Variants in PKHD1L1 observed in about 807,000 individuals in gnomAD.
PKHD1L1 encodes fibrocystin-L.
In PKHD1L1, 434 loss-of-function variants were observed where a neutral mutation model predicts 462.9. The observed-to-expected ratio is 0.94, with a 90% CI of 0.87 to 1.02. The LOEUF (loss-of-function observed/expected upper bound fraction) is 1.02. PKHD1L1 is among the 50% of genes least tolerant of loss of function. The pLI, the probability that PKHD1L1 is intolerant of heterozygous loss-of-function variation, is 0.00. For synonymous variants in PKHD1L1, 1,781 were observed against 1,750.0 expected (o/e 1.02, Z -0.44); for missense variants, 5,202 against 5,096.1 (o/e 1.02, Z -0.63).
chr8:109,453,529 T>G (rs1816656485), intron 43 of PKHD1L1, among the ~76,000 whole-genome samples: 1 of 152,212 alleles, frequency 6.6e-6, no homozygotes, highest in African/African-American at 2.4e-5. Context: ...ATAACAGGCT[T>G]AGCCACCGGA....
rs1375705530 is a variant in PKHD1L1 at position 109,464,516 on chromosome 8, T to C, written c.7684T>C (p.Phe2562Leu). ...GAATGATGATGTGACCCCGGCTGCA[T>C]TTTGGGTCACCAACCCGAACAATAC... ...LLNDDVTPAA[F>L]WVTNPNNTIR... Residue 2562 changes from phenylalanine to leucine, a missense_variant, in exon 49 of 78, where the codon TTT becomes CTT. Around this residue, in one of 3 missense-constraint regions of PKHD1L1, gnomAD observed 4,497 missense variants for 4,336.8 expected, o/e 1.04. Coordinates refer to ENST00000378402, the MANE Select transcript of PKHD1L1 (RefSeq NM_177531.6). 1.2e-6 allele frequency: 2 copies of C among 1,613,774 alleles called. No individual in the cohort carries two copies. Among genetic ancestry groups the C allele is most frequent in the Non-Finnish European group, 1.7e-6 (2 of 1,179,792 alleles).
At chr8:109,492,428 G>A (rs1818880679) in intron 62 of PKHD1L1, among the ~76,000 whole-genome samples, 1 of 151,720 alleles carries the variant, frequency 6.6e-6, no homozygotes, top group Non-Finnish European at 1.5e-5. Context: ...ATTACTATAG[G>A]TGTTTGTTGA....
Position 109,396,015 on chromosome 8 carries a change from GT to G in PKHD1L1, c.812-8del, listed in dbSNP as rs1812953187. On this transcript the variant is annotated splice_polypyrimidine_tract_variant and intron_variant, in intron 10 of 77. Transcript: ENST00000378402. ...TATTTATGATATTTTATTTAATGTG[GT>G]TTTCCCCCAGAGGTCACCATGATTT... 3 of 1,550,202 alleles carry G rather than the reference GT, an allele frequency of 1.9e-6. No homozygotes were observed. Among genetic ancestry groups the G allele is most frequent in the Non-Finnish European group, 2.6e-6 (3 of 1,136,502 alleles).
intron 12 of PKHD1L1, among the ~76,000 whole-genome samples, chr8:109,398,852 CTT>C (rs776115515): frequency 2.0e-4 from 31 of 151,922 alleles, no homozygotes; most frequent in East Asian, 1.4e-3. Flanking sequence ...ATAACTAAAA[CTT>C]GGTATAGTCT....
chr8:109,422,054 C>T lies in PKHD1L1; in HGVS notation c.2697+1364C>T, dbSNP rs191539838. ...ATTGTTTTAAGAACTTTAACTTTGACATAATTGTAGATTCACATGCAGTTG... is the reference window on the plus strand; with the variant it reads ...ATTGTTTTAAGAACTTTAACTTTGATATAATTGTAGATTCACATGCAGTTG... On this transcript the variant is annotated intron_variant, in intron 23 of 77. Coordinates refer to ENST00000378402, the MANE Select transcript of PKHD1L1 (RefSeq NM_177531.6). 1.7e-3 allele frequency among the ~76,000 whole-genome samples: 264 copies of T among 152,314 alleles called. 1 individual carries two copies. Among genetic ancestry groups the T allele is most frequent in the Middle Eastern group, 6.8e-3 (2 of 294 alleles).
chr8:109,490,754 A>C (rs1413839000), intron 60 of PKHD1L1, among the ~76,000 whole-genome samples: 6 of 151,686 alleles, frequency 4.0e-5, no homozygotes, highest in Non-Finnish European at 1.5e-5. Context: ...GTAAGCATAT[A>C]TATTCAATAT....
intron 2 of PKHD1L1, among the ~76,000 whole-genome samples, chr8:109,373,476 T>C (rs1563713983): frequency 7.3e-6 from 1 of 136,788 alleles, no homozygotes; most frequent in Non-Finnish European, 1.6e-5. Flanking sequence ...CAGTGATTTT[T>C]TGAAGGGTTT....
chr8:109,424,486 CAG>C (rs1814634373), intron 23 of PKHD1L1, among the ~76,000 whole-genome samples: 1 of 152,108 alleles, frequency 6.6e-6, no homozygotes, highest in Admixed American at 6.5e-5. Context: ...ACAGTAGTAA[CAG>C]ATAACTATAA....
At chr8:109,367,300 G>A (rs1811280938) in intron 2 of PKHD1L1, among the ~76,000 whole-genome samples, 1 of 152,150 alleles carries the variant, frequency 6.6e-6, no homozygotes, top group Non-Finnish European at 1.5e-5. Flanking sequence ...ATTGCATGCA[G>A]TACTTATTTA....
At chr8:109,370,508 T>A (rs938026731) in intron 2 of PKHD1L1, among the ~76,000 whole-genome samples, 5 of 151,674 alleles carry the variant, frequency 3.3e-5, no homozygotes, top group Non-Finnish European at 4.4e-5. Context: ...TTTATTTTTT[T>A]AATTTTATTA....
Position 109,477,252 on chromosome 8 carries a change from G to GT in PKHD1L1, c.8946dup (p.Gln2983SerfsTer10), listed in dbSNP as rs771651990. 1.1e-4 allele frequency: 181 copies of GT among 1,613,226 alleles called. No individual in the cohort carries two copies. The highest frequency in any genetic ancestry group is 3.3e-4 in the Middle Eastern group (2 of 6,056). ...TCAGGAAGAAATGACCTTCATCAGA[G>GT]TCAGCTCATTTCTGGGAACCTGGAT... On this transcript the variant is annotated frameshift_variant, in exon 53 of 78. Transcript: ENST00000378402. LOFTEE classifies it high-confidence loss of function.
intron 43 of PKHD1L1, 95 bp from the exon 44 acceptor site, chr8:109,454,072 T>C: frequency 2.9e-6 from 2 of 681,220 alleles, no homozygotes; most frequent in Non-Finnish European, 4.8e-6. Context: ...TAATGTATAA[T>C]TTAATAATTA....
chr8:109,419,956 T>C (rs1014883273), intron 22 of PKHD1L1, among the ~76,000 whole-genome samples: 1 of 152,150 alleles, frequency 6.6e-6, no homozygotes, highest in African/African-American at 2.4e-5. Context: ...GTCACTCCTT[T>C]TGAATCTGCT....
rs76002311 is a variant in PKHD1L1 at position 109,367,899 on chromosome 8, C to G, written c.163+3263C>G. The stretch of plus-strand genomic sequence containing the variant: ...GCCTGGGTGATGGAGTGAAACCCTG[C>G]TTTAAAAACAAAATAAAACCTCACA... On this transcript the variant is annotated intron_variant, in intron 2 of 77. Coordinates refer to ENST00000378402, the MANE Select transcript of PKHD1L1 (RefSeq NM_177531.6). 8.5e-5 allele frequency among the ~76,000 whole-genome samples: 13 copies of G among 152,104 alleles called. No homozygotes were observed. The East Asian group carries it at 2.5e-3, about 29-fold the overall frequency.
rs999055721 is a variant in PKHD1L1 at position 109,405,004 on chromosome 8, T to C, written c.1543T>C (p.Leu515=). The part of the protein sequence containing the change: ...TILQEVQVIT[L]ENWETTNAIN... ...CTTAATTGGAAAATAGGTTATAACATTGGAAAACTGGGAAACAACTAATGC... is the reference window on the plus strand; with the variant it reads ...CTTAATTGGAAAATAGGTTATAACACTGGAAAACTGGGAAACAACTAATGC... The change falls in exon 16 of 78, where the codon TTG becomes CTG. Residue 515 remains leucine, a synonymous_variant. Coordinates refer to ENST00000378402, the MANE Select transcript of PKHD1L1 (RefSeq NM_177531.6). 5.3e-6 allele frequency: 8 copies of C among 1,501,566 alleles called. No individual in the cohort carries two copies. The highest frequency in any genetic ancestry group is 7.2e-6 in the Non-Finnish European group (8 of 1,118,436). 93.0% of individuals were successfully genotyped at this position (1,501,566 alleles called of 1,614,324 possible). A position where few individuals can be genotyped will look rare whatever the true frequency, so the allele number is the denominator to read the frequency against.
intron 38 of PKHD1L1, among the ~76,000 whole-genome samples, chr8:109,447,052 G>A (rs1816185243): frequency 6.6e-6 from 1 of 151,996 alleles, no homozygotes; most frequent in Non-Finnish European, 1.5e-5. Context: ...GGTGAACCCC[G>A]TCTCTACTAA....
chr8:109,487,936 G>GGAAGGAAGGAAA (rs1563600629), intron 59 of PKHD1L1, among the ~76,000 whole-genome samples: 1 of 150,350 alleles, frequency 6.7e-6, no homozygotes, highest in South Asian at 2.1e-4. Context: ...AAGGAAGGAA[G>GGAAGGAAGGAAA]GAAGGAAAGA....
intron 48 of PKHD1L1, 143 bp downstream of exon 48, chr8:109,462,051 C>A (rs867445495): frequency 1.1e-5 from 11 of 1,021,728 alleles, no homozygotes; most frequent in Middle Eastern, 2.5e-4. Flanking sequence ...TTAATACACC[C>A]ATTTGATCAT....
chr8:109,434,715 C>T (rs557421273), intron 28 of PKHD1L1, among the ~76,000 whole-genome samples: 148 of 152,168 alleles, frequency 9.7e-4, no homozygotes, highest in Non-Finnish European at 1.8e-3. Flanking sequence ...GTGATCCACC[C>T]GCCTCAGCCT....
Sources: gnomAD v4.1 joint callset for allele counts (sites outside exome capture counted in the v4.1 genomes callset) on GRCh38, gnomAD v4.1.1 for gene constraint, gnomAD v4.1.1 regional missense constraint, MANE v1.5 for transcripts, NCBI Gene and HGNC (gene_info 2026-07-23, HGNC 2026-07-21) for gene names.